The following ADAMTS13 variants were observed in gnomAD, a reference collection of about 807,000 sequenced individuals.
The protein encoded by ADAMTS13 is A disintegrin and metalloproteinase with thrombospondin motifs 13.
Under a neutral mutation model 155.1 loss-of-function variants are expected in ADAMTS13, and 110 were observed. The observed-to-expected ratio is 0.71, with a 90% CI of 0.61 to 0.83. ADAMTS13 has a LOEUF of 0.83. ADAMTS13 is among the 40% of genes least tolerant of loss of function. The probability of loss-of-function intolerance (pLI) is 0.00; values close to 1 mark genes in which losing one functional copy is unlikely to be tolerated. For missense variants in ADAMTS13, 1,707 were observed against 1,891.7 expected, an observed-to-expected ratio of 0.90 and a Z score of 1.81; for synonymous variants, 758 against 756.4, an observed-to-expected ratio of 1.00 and a Z score of -0.03.
rs2130854087 is a variant in ADAMTS13, at chr9:133,438,278, G to T, written c.1617G>T (p.Gln539His). Reference sequence around the variant, plus strand: ...GCTGTGATGGTAGGATGGACTCCCAGCAGGTATGGGACAGGTGCCAGGTGT... The same window carrying T: ...GCTGTGATGGTAGGATGGACTCCCATCAGGTATGGGACAGGTGCCAGGTGT... Reference protein sequence around the residue: ...TFGCDGRMDSQQVWDRCQVCG... With the variant: ...TFGCDGRMDSHQVWDRCQVCG... The change falls in exon 14 of 29, where the codon CAG becomes CAT. Residue 539 changes from glutamine to histidine, a missense_variant. Around this residue, in one of 3 missense-constraint regions of ADAMTS13, gnomAD observed 13 missense variants for 34.2 expected, o/e 0.38. Coordinates refer to ENST00000355699, the MANE Select transcript of ADAMTS13 (RefSeq NM_139027.6). 6.2e-7 allele frequency: 1 copy of T among 1,614,164 alleles called. No individual in the cohort carries two copies. The highest frequency in any genetic ancestry group is 8.5e-7 in the Non-Finnish European group (1 of 1,180,022).
chr9:133,417,658 G>A (rs782222715), upstream of ADAMTS13: 26 of 1,614,028 alleles, frequency 1.6e-5, no homozygotes, highest in South Asian at 2.2e-5. Context: ...AAGTCTTCTG[G>A]TGCCTTTGGA....
At chr9:133,416,772 G>T (rs192327036) in intron 1 of ADAMTS13, among the ~76,000 whole-genome samples, 30 of 152,306 alleles carry the variant, frequency 2.0e-4, no homozygotes, top group Non-Finnish European at 3.8e-4. Context: ...AACTTTTCCA[G>T]CCTATTTCCT....
rs782416447 is a variant in ADAMTS13, at chr9:133,456,022, T to C, written c.3401-47T>C. On this transcript the variant is annotated intron_variant, in intron 25 of 28. Transcript: ENST00000355699. This position sits in a 1 kb window ranked among gnomAD's most constrained non-coding sequence, Gnocchi z 4.4. ...TTGGAAGCCCCGGAGCCTGCCCTGCTGGGAATCGGGGAAGCACTGCTTACC... is the reference window on the plus strand; with the variant it reads ...TTGGAAGCCCCGGAGCCTGCCCTGCCGGGAATCGGGGAAGCACTGCTTACC... 1 of 1,612,432 alleles carries C rather than the reference T, an allele frequency of 6.2e-7. No homozygotes were observed. The highest frequency in any genetic ancestry group is 1.1e-5 in the South Asian group (1 of 91,076).
At chr9:133,432,809 G>A in intron 9 of ADAMTS13, 117 bp downstream of exon 9, 1 of 1,058,016 alleles carries the variant, frequency 9.5e-7, no homozygotes, top group South Asian at 1.4e-5. Flanking sequence ...GAGAGTCTTG[G>A]AGTTGGCCTT....
intron 11 of ADAMTS13, among the ~76,000 whole-genome samples, chr9:133,436,415 A>G (rs979768963): frequency 3.3e-5 from 5 of 152,046 alleles, no homozygotes; most frequent in Non-Finnish European, 5.9e-5. Context: ...ATCTTCTGTC[A>G]GCCCATAAAA....
rs782472621 is a variant in ADAMTS13, at chr9:133,436,954, A to AG, written c.1435+1dup. 2 of 1,597,288 alleles carry AG rather than the reference A, an allele frequency of 1.3e-6. No individual in the cohort carries two copies. The highest frequency in any genetic ancestry group is 4.5e-5 in the East Asian group (2 of 44,286). Reference sequence around the variant, plus strand: ...GGGGTGCTGCTGTACCACACAGCCAAGGTGGGGCCTGCGGAGTGTGGGGTT... The same window carrying AG: ...GGGGTGCTGCTGTACCACACAGCCAAGGGTGGGGCCTGCGGAGTGTGGGGTT... On this transcript the variant is annotated frameshift_variant and splice_region_variant, in exon 12 of 29. Coordinates refer to ENST00000355699, the MANE Select transcript of ADAMTS13 (RefSeq NM_139027.6). LOFTEE classifies it high-confidence loss of function.
intron 8 of ADAMTS13, among the ~76,000 whole-genome samples, chr9:133,432,308 G>A (rs73550854): frequency 0.015 from 2,227 of 152,260 alleles, 58 homozygotes; most frequent in African/African-American, 0.048. Context: ...TTTGCCTCTT[G>A]AGCTTCAAGT....
chr9:133,452,853 G>A (rs587669049), intron 23 of ADAMTS13, among the ~76,000 whole-genome samples: 2 of 152,304 alleles, frequency 1.3e-5, no homozygotes, highest in South Asian at 4.1e-4. Context: ...TCATTGTCCT[G>A]GAACATTCCA....
rs139951127 is a variant in ADAMTS13, at chr9:133,449,836, G to A, written c.2915G>A (p.Arg972Gln). The A allele has an allele frequency of 2.1e-4, 343 of 1,613,896 alleles. No homozygotes were observed. The highest frequency in any genetic ancestry group is 2.1e-3 in the South Asian group (188 of 91,078). Residue 972 changes from arginine (R) to glutamine (Q), a missense_variant, in exon 23 of 29, where the codon CGG (arginine) becomes CAG (glutamine). Arg to Gln is a conservative substitution (Grantham distance 43). Coordinates refer to ENST00000355699, the MANE Select transcript of ADAMTS13 (RefSeq NM_139027.6). ...CSVSCGRGVV[R>Q]RILYCARAHG... is the part of the protein sequence containing the mutation. ...GTGAGCTGTGGGAGAGGGGTCGTGC[G>A]GAGGATCCTGTATTGTGCCCGGGCC... is the stretch of plus-strand genomic sequence containing the variant.
rs1204055555 is a variant in ADAMTS13 at position 133,440,407 on chromosome 9, A to C, written c.1850A>C (p.Tyr617Ser). 7 of 1,613,320 alleles carry C rather than the reference A, an allele frequency of 4.3e-6. No individual in the cohort carries two copies. Among genetic ancestry groups the C allele is most frequent in the Non-Finnish European group, 5.1e-6 (6 of 1,179,920 alleles). The change falls in exon 16 of 29, where the codon TAC (tyrosine) becomes TCC (serine). Residue 617 changes from tyrosine (Y) to serine (S), a missense_variant. Physicochemically the swap from Tyr to Ser is moderately radical, Grantham distance 144. Transcript: ENST00000355699. This position sits in a 1 kb window ranked among gnomAD's most constrained non-coding sequence, Gnocchi z 4.3. Reference protein sequence around the residue: ...GKMSISPNTTYPSLLEDGRVE... With the variant: ...GKMSISPNTTSPSLLEDGRVE... ...ATGAGCATCTCCCCTAACACCACCT[A>C]CCCCTCCCTCCTGGAGGATGGTCGT...
At chr9:133,452,035 C>A (rs1842465814) in intron 23 of ADAMTS13, among the ~76,000 whole-genome samples, 1 of 151,048 alleles carries the variant, frequency 6.6e-6, no homozygotes, top group Admixed American at 6.6e-5. Context: ...GTTGGACAAG[C>A]CCTGATGCCT....
rs1469321735 is a variant in ADAMTS13 at position 133,424,177 on chromosome 9, G to T, written c.173-144G>T. 3 of 1,312,978 alleles carry T rather than the reference G, an allele frequency of 2.3e-6. No homozygotes were observed. Among genetic ancestry groups the T allele is most frequent in the Non-Finnish European group, 3.2e-6 (3 of 926,044 alleles). 81.3% of individuals were successfully genotyped at this position (1,312,978 alleles called of 1,614,324 possible). A position where few individuals can be genotyped will look rare whatever the true frequency, so the allele number is the denominator to read the frequency against. ...CCTTTGCGTGCCTAGTCACTAATGG[G>T]GTCTGGCTCTTGGGGTGGGGGTGAC... is the stretch of plus-strand genomic sequence containing the variant. On this transcript the variant is annotated intron_variant, in intron 2 of 28. Coordinates refer to ENST00000355699, the MANE Select transcript of ADAMTS13 (RefSeq NM_139027.6). This position sits in a 1 kb window ranked among gnomAD's most constrained non-coding sequence, Gnocchi z 4.3.
chr9:133,423,336 T>C (rs1484756012), intron 2 of ADAMTS13, among the ~76,000 whole-genome samples, 169 bp downstream of exon 2: 1 of 152,210 alleles, frequency 6.6e-6, no homozygotes, highest in African/African-American at 2.4e-5. Context: ...CAAGTTGATA[T>C]AAGCTGGTCT....
intron 1 of ADAMTS13, chr9:133,415,880 C>T (rs1839565150): frequency 6.6e-6 from 1 of 152,274 alleles, no homozygotes; most frequent in Middle Eastern, 3.4e-3. Context: ...AATGTCTGCA[C>T]TGAGATACTG....
In ADAMTS13 at chr9:133,442,732, C is replaced by T. The variant is rs1470057391; in HGVS notation, c.2223C>T (p.Pro741=). The part of the protein sequence containing the change: ...PAWPEACVLE[P]CPPYWAVGDF... ...GGCCAGAGGCCTGCGTGCTCGAACC[C>T]TGCCCTCCCTAGTGAGTGTGGTGCT... Residue 741 remains proline, a synonymous_variant, in exon 18 of 29, where the codon CCC becomes CCT. Coordinates refer to ENST00000355699, the MANE Select transcript of ADAMTS13 (RefSeq NM_139027.6). The T allele has an allele frequency of 6.2e-7, 1 of 1,612,672 alleles. No individual in the cohort carries two copies. The highest frequency in any genetic ancestry group is 8.5e-7 in the Non-Finnish European group (1 of 1,179,918).
chr9:133,417,576 G>A (rs587761152), upstream of ADAMTS13: 3 of 1,592,028 alleles, frequency 1.9e-6, no homozygotes, highest in African/African-American at 1.3e-5. Flanking sequence ...CGTTCTGCGG[G>A]AATGAGCTGC....
At chr9:133,443,647 C>T in intron 19 of ADAMTS13, 86 bp downstream of exon 19, 1 of 1,412,412 alleles carries the variant, frequency 7.1e-7, no homozygotes, top group Non-Finnish European at 9.3e-7. Context: ...CTGAGAATCC[C>T]CTCCTCCTGA....
In ADAMTS13 at chr9:133,445,158, C is replaced by G; in HGVS notation, c.2610+106C>G. 1 of 1,306,364 alleles carries G rather than the reference C, an allele frequency of 7.7e-7. No homozygotes were observed. Among genetic ancestry groups the G allele is most frequent in the Non-Finnish European group, 1.1e-6 (1 of 942,998 alleles). The allele number at this position is 1,306,364 out of a possible 1,614,324, so 80.9% of individuals were successfully genotyped here. On this transcript the variant is annotated intron_variant, in intron 20 of 28. Coordinates refer to ENST00000355699, the MANE Select transcript of ADAMTS13 (RefSeq NM_139027.6). The surrounding 1 kb of genome is among the most constrained non-coding windows in gnomAD (Gnocchi z 5.0). ...CGTCCTCCAGGCCAGAGCAAGAACA[C>G]CATCCTTCTGTGGGAATGCTGTCTG...
intron 7 of ADAMTS13, 145 bp from the exon 8 acceptor site, chr9:133,429,794 G>A (rs1179014538): frequency 1.1e-5 from 12 of 1,121,862 alleles, no homozygotes; most frequent in Middle Eastern, 1.9e-4. Flanking sequence ...GGCTCCTGGT[G>A]GGGGGCGCGG....
Sources: gnomAD v4.1 joint callset for allele counts (sites outside exome capture counted in the v4.1 genomes callset) on GRCh38, gnomAD v4.1.1 for gene constraint, gnomAD v4.1.1 regional missense constraint, Gnocchi (gnomAD v3.1) non-coding constraint, MANE v1.5 for transcripts, NCBI Gene and HGNC (gene_info 2026-07-23, HGNC 2026-07-21) for gene names.